IKZF3: variants seen among roughly 807,000 people sequenced by gnomAD.
The protein encoded by IKZF3 is zinc finger protein Aiolos.
In IKZF3, 10 loss-of-function variants were observed where a neutral mutation model predicts 49.0. The observed-to-expected ratio is 0.20, with a 90% CI of 0.13 to 0.35. The LOEUF (loss-of-function observed/expected upper bound fraction) is 0.35. IKZF3 is among the 10% of genes least tolerant of loss of function. The pLI is 1.00. For synonymous variants in IKZF3, 209 were observed against 228.2 expected, an observed-to-expected ratio of 0.92 and a Z score of 0.76; for missense variants, 498 against 664.8, an observed-to-expected ratio of 0.75 and a Z score of 2.76.
intron 1 of IKZF3, among the ~76,000 whole-genome samples, chr17:39,856,373 C>T (rs1322428618): frequency 2.6e-5 from 4 of 152,062 alleles, no homozygotes; most frequent in Middle Eastern, 3.4e-3. Context: ...ACTGCAACCT[C>T]GGCCTCGCAG....
At chr17:39,806,312 G>A (rs913396496) in intron 3 of IKZF3, among the ~76,000 whole-genome samples, 11 of 152,196 alleles carry the variant, frequency 7.2e-5, no homozygotes, top group African/African-American at 2.7e-4. Flanking sequence ...CTGAAAACAT[G>A]ATTCATAAAT....
chr17:39,863,579 T>A (rs1349502911), intron 1 of IKZF3, among the ~76,000 whole-genome samples: 1 of 152,196 alleles, frequency 6.6e-6, no homozygotes, highest in Non-Finnish European at 1.5e-5. Context: ...CTTTCAAAAT[T>A]AATTCATATG....
intron 3 of IKZF3, among the ~76,000 whole-genome samples, chr17:39,816,233 A>G (rs1182015782): frequency 2.0e-5 from 3 of 152,242 alleles, no homozygotes; most frequent in African/African-American, 7.2e-5. Flanking sequence ...TATATCAACT[A>G]TACATGCATG....
At chr17:39,788,935 T>A (rs2060940083) in intron 5 of IKZF3, among the ~76,000 whole-genome samples, 1 of 152,092 alleles carries the variant, frequency 6.6e-6, no homozygotes, top group African/African-American at 2.4e-5. Context: ...TAACTACGGA[T>A]TTTTTTGTTT....
chr17:39,797,960 C>T (rs1470327690), intron 3 of IKZF3, among the ~76,000 whole-genome samples: 23 of 151,970 alleles, frequency 1.5e-4, no homozygotes, highest in Non-Finnish European at 4.4e-5. Flanking sequence ...TTTCTTTAGT[C>T]CTCTATTTCT....
intron 6 of IKZF3, among the ~76,000 whole-genome samples, chr17:39,787,605 T>G (rs2060903461): frequency 6.6e-6 from 1 of 152,230 alleles, no homozygotes; most frequent in South Asian, 2.1e-4. Flanking sequence ...TACAGAGAAT[T>G]AGAATACTTC....
intron 3 of IKZF3, among the ~76,000 whole-genome samples, chr17:39,815,762 A>G (rs1395901585): frequency 6.6e-6 from 1 of 152,218 alleles, no homozygotes; most frequent in Non-Finnish European, 1.5e-5. Flanking sequence ...AGAGGAAGAG[A>G]AATAATAATT....
intron 3 of IKZF3, among the ~76,000 whole-genome samples, chr17:39,819,249 A>G: frequency 6.6e-6 from 1 of 152,256 alleles, no homozygotes; most frequent in East Asian, 1.9e-4. Context: ...CCCTGAACCC[A>G]AAGTAAATTT....
Position 39,777,861 on chromosome 17 carries a change from G to C in IKZF3, c.710-94C>G. On this transcript the variant is annotated intron_variant, in intron 6 of 7. Transcript: ENST00000346872. ...ACTGGAAGGAGAAGTGTCCGAAGTT[G>C]GATGCACACTCTATTGTTGTTACCT... 27 of 1,540,478 alleles carry C rather than the reference G, an allele frequency of 1.8e-5. 2 individuals are homozygous for C. In the South Asian group the frequency reaches 3.2e-4, roughly 19 times the overall value.
chr17:39,844,904 T>A (rs2062584525), intron 1 of IKZF3, among the ~76,000 whole-genome samples: 1 of 152,180 alleles, frequency 6.6e-6, no homozygotes, highest in Admixed American at 6.5e-5. Context: ...CTCATTTTTT[T>A]AAATCTGTCT....
intron 3 of IKZF3, among the ~76,000 whole-genome samples, chr17:39,820,066 T>C (rs2061768872): frequency 6.6e-6 from 1 of 152,286 alleles, no homozygotes; most frequent in Non-Finnish European, 1.5e-5. Context: ...CAAATATTTA[T>C]TGCACACCTA....
chr17:39,798,105 C>T (rs988252098), intron 3 of IKZF3, among the ~76,000 whole-genome samples: 3 of 152,152 alleles, frequency 2.0e-5, no homozygotes, highest in African/African-American at 2.4e-5. Flanking sequence ...TGTTTCTCCA[C>T]TCCTGTATTT....
intron 5 of IKZF3, among the ~76,000 whole-genome samples, chr17:39,791,069 G>T (rs2061006928): frequency 6.6e-6 from 1 of 151,422 alleles, no homozygotes; most frequent in African/African-American, 2.4e-5. Flanking sequence ...GAGTGTGTGT[G>T]TTGGGAAAAT....
chr17:39,793,846 T>C (rs1307956785), intron 3 of IKZF3, among the ~76,000 whole-genome samples: 2 of 152,086 alleles, frequency 1.3e-5, no homozygotes, highest in Non-Finnish European at 2.9e-5. Flanking sequence ...TAAGAACATA[T>C]GAAGAACGTG....
intron 3 of IKZF3, among the ~76,000 whole-genome samples, chr17:39,821,140 TGTGG>T (rs893392275): frequency 6.6e-6 from 1 of 152,112 alleles, no homozygotes; most frequent in African/African-American, 2.4e-5. Flanking sequence ...TTGGAAGAAG[TGTGG>T]GTCACCTGAG....
intron 5 of IKZF3, among the ~76,000 whole-genome samples, chr17:39,789,456 A>C (rs112771646): frequency 0.024 from 3,645 of 152,234 alleles, 62 homozygotes; most frequent in Non-Finnish European, 0.037. Flanking sequence ...CCAGCTACTC[A>C]GGAGGCTGAG....
intron 3 of IKZF3, among the ~76,000 whole-genome samples, chr17:39,825,815 C>G (rs988477042): frequency 1.1e-4 from 17 of 152,094 alleles, no homozygotes; most frequent in Non-Finnish European, 2.2e-4. Context: ...GAGAAGTGTT[C>G]TAATGGGGAG....
At chr17:39,775,978 T>C (rs1283372123) in intron 7 of IKZF3, among the ~76,000 whole-genome samples, 1 of 152,126 alleles carries the variant, frequency 6.6e-6, no homozygotes, top group Non-Finnish European at 1.5e-5. Context: ...TACATTTTTT[T>C]CTTGCCCAGC....
intron 2 of IKZF3, 59 bp from the exon 3 acceptor site, chr17:39,829,547 T>G (rs2062051743): frequency 8.2e-7 from 1 of 1,216,938 alleles, no homozygotes; most frequent in African/African-American, 1.5e-5. Context: ...TTTATAAATA[T>G]ATATTAAGTA....
Sources: allele counts gnomAD v4.1 joint callset (sites outside exome capture counted in the v4.1 genomes callset), GRCh38; gene constraint gnomAD v4.1.1; transcripts MANE v1.5; gene names NCBI Gene and HGNC (gene_info 2026-07-23, HGNC 2026-07-21).